Variants in WNK2 observed in about 807,000 individuals in gnomAD.
WNK2 encodes the protein serine/threonine-protein kinase WNK2.
Under a neutral mutation model 192.1 loss-of-function variants are expected in WNK2, and 67 were observed. That is an observed-to-expected ratio of 0.35 (90% CI 0.29 to 0.43). The LOEUF is 0.43. WNK2 is among the 20% of genes least tolerant of loss of function. The probability of loss-of-function intolerance (pLI) is 1.00; values close to 1 mark genes in which losing one functional copy is unlikely to be tolerated. For missense variants in WNK2, 2,698 were observed against 3,089.7 expected (o/e 0.87, Z 3.01); for synonymous variants, 1,439 against 1,393.9 (o/e 1.03, Z -0.72).
intron 7 of WNK2, among the ~76,000 whole-genome samples, chr9:93,243,053 CCT>C (rs1329738447): frequency 6.6e-6 from 1 of 152,102 alleles, no homozygotes; most frequent in Non-Finnish European, 1.5e-5. Flanking sequence ...ACATCAGAGC[CCT>C]CTCAGCACTG....
intron 2 of WNK2, among the ~76,000 whole-genome samples, chr9:93,228,366 AG>A (rs1296501732): frequency 2.0e-5 from 3 of 152,154 alleles, no homozygotes; most frequent in African/African-American, 7.2e-5. Flanking sequence ...CCTTTCCGGA[AG>A]GATCCAGGGG....
intron 2 of WNK2, among the ~76,000 whole-genome samples, chr9:93,186,807 A>G (rs1829431578): frequency 6.6e-6 from 1 of 151,888 alleles, no homozygotes; most frequent in South Asian, 2.1e-4. Flanking sequence ...CCTCTCCACC[A>G]CCCCTTGGTT....
intron 7 of WNK2, among the ~76,000 whole-genome samples, chr9:93,246,404 A>G (rs2132466699): frequency 6.6e-6 from 1 of 152,274 alleles, no homozygotes; most frequent in South Asian, 2.1e-4. Flanking sequence ...AACTCAGTTC[A>G]CAAGTACGCA....
At chr9:93,271,831 A>C (rs191627940) in intron 19 of WNK2, among the ~76,000 whole-genome samples, 21 of 152,380 alleles carry the variant, frequency 1.4e-4, no homozygotes, top group Admixed American at 7.2e-4. Context: ...AGCAGACCCC[A>C]AATAGGTTAA....
intron 2 of WNK2, among the ~76,000 whole-genome samples, chr9:93,203,189 T>TACCCTTTGCTGA (rs1427427544): frequency 6.6e-6 from 1 of 152,114 alleles, no homozygotes; most frequent in Non-Finnish European, 1.5e-5. Flanking sequence ...GAACCCCAAG[T>TACCCTTTGCTGA]ACCCTTTGCT....
chr9:93,270,722 G>T (rs776579982), intron 19 of WNK2, among the ~76,000 whole-genome samples: 2 of 152,140 alleles, frequency 1.3e-5, no homozygotes, highest in Non-Finnish European at 2.9e-5. Context: ...CCTCCCCATT[G>T]CTCACCCCCC....
intron 19 of WNK2, among the ~76,000 whole-genome samples, chr9:93,278,014 A>G (rs1385536928): frequency 6.6e-6 from 1 of 152,186 alleles, no homozygotes; most frequent in African/African-American, 2.4e-5. Flanking sequence ...TCCTTCAGAA[A>G]ACAACTTAAA....
rs1588557310 is a variant in WNK2 at position 93,300,316 on chromosome 9, A to G, written c.6214+167A>G. ...GGAACCCCATGAGCCGGTCCCCTGG[A>G]GCGGCGGCCGCCAGCGCCTACCCCC... On this transcript the variant is annotated intron_variant, in intron 26 of 29. Coordinates refer to ENST00000427277, the MANE Select transcript of WNK2 (RefSeq NM_006648.4). 1.6e-5 allele frequency: 9 copies of G among 578,622 alleles called. No homozygotes were observed. The East Asian group carries it at 2.7e-4, about 18-fold the overall frequency. 35.8% of individuals were successfully genotyped at this position (578,622 alleles called of 1,614,324 possible). A position where few individuals can be genotyped will look rare whatever the true frequency, so the allele number is the denominator to read the frequency against.
Position 93,199,145 on chromosome 9 carries a change from C to T in WNK2, c.681+13535C>T, listed in dbSNP as rs78694447. Among the ~76,000 whole-genome samples, 719 of 152,300 alleles carry T rather than the reference C, an allele frequency of 4.7e-3. 7 individuals carry two copies. Among genetic ancestry groups the T allele is most frequent in the African/African-American group, 0.016 (680 of 41,566 alleles). On this transcript the variant is annotated intron_variant, in intron 2 of 29. Coordinates refer to ENST00000427277, the MANE Select transcript of WNK2 (RefSeq NM_006648.4). ...AAGTCCCCTTGCCCTCTGTGGGGTG[C>T]GGCTTCTCAGCCTGGCTGTGCTGGG...
chr9:93,300,928 GCTC>G (rs1044714602), intron 26 of WNK2, among the ~76,000 whole-genome samples: 4 of 152,138 alleles, frequency 2.6e-5, no homozygotes, highest in South Asian at 2.1e-4. Flanking sequence ...TGCTTGGCCG[GCTC>G]CTCCTCCTCC....
Position 93,263,695 on chromosome 9 carries a change from G to A in WNK2, c.3540G>A (p.Arg1180=), listed in dbSNP as rs1844661840. The A allele has an allele frequency of 1.3e-6, 2 of 1,552,270 alleles. No individual in the cohort carries two copies. Among genetic ancestry groups the A allele is most frequent in the Non-Finnish European group, 1.7e-6 (2 of 1,155,272 alleles). ...HHRRSTRARS[R]QERASRPRLT... The stretch of plus-strand genomic sequence containing the variant: ...GCAGGTCCACGCGTGCGCGCTCCCG[G>A]CAGGAGAGGGCCAGCCGGCCCCGGC... The change falls in exon 15 of 30, where the codon CGG becomes CGA. Residue 1180 remains arginine (R), a synonymous_variant. Coordinates refer to ENST00000427277, the MANE Select transcript of WNK2 (RefSeq NM_006648.4).
At chr9:93,306,990 A>T in intron 27 of WNK2, 169 bp downstream of exon 27, 1 of 790,522 alleles carries the variant, frequency 1.3e-6, no homozygotes, top group Non-Finnish European at 2.1e-6. Context: ...GCCTGGCGGG[A>T]TCGCTGTCCT....
intron 2 of WNK2, among the ~76,000 whole-genome samples, chr9:93,224,804 C>A (rs1474347263): frequency 2.6e-5 from 4 of 152,160 alleles, no homozygotes; most frequent in African/African-American, 7.2e-5. Flanking sequence ...AGTGAGCAGC[C>A]AGGAGGCCCC....
In WNK2 at chr9:93,215,746, T is replaced by A. The variant is rs539990026; in HGVS notation, c.682-13950T>A. ...GACCATACTAATTTTACACTAATTT[T>A]AATTTCACACAAATTTTAAAGTCTG... On this transcript the variant is annotated intron_variant, in intron 2 of 29. Coordinates refer to ENST00000427277, the MANE Select transcript of WNK2 (RefSeq NM_006648.4). Among the ~76,000 whole-genome samples the A allele has an allele frequency of 1.3e-4, 20 of 152,380 alleles. 1 individual carries two copies. The highest frequency in any genetic ancestry group is 9.8e-4 in the Admixed American group (15 of 15,310).
chr9:93,206,316 G>A (rs543245548), intron 2 of WNK2, among the ~76,000 whole-genome samples: 30 of 152,282 alleles, frequency 2.0e-4, no homozygotes, highest in Admixed American at 5.9e-4. Context: ...GCCAAGGGTC[G>A]CCTGCAGTGA....
intron 2 of WNK2, among the ~76,000 whole-genome samples, chr9:93,217,693 C>T (rs895862344): frequency 5.3e-5 from 8 of 152,238 alleles, no homozygotes; most frequent in Admixed American, 5.2e-4. Flanking sequence ...GCCCCCACTC[C>T]CCTGCCAAGC....
intron 2 of WNK2, among the ~76,000 whole-genome samples, chr9:93,198,930 C>T (rs1564279176): frequency 6.6e-6 from 1 of 152,208 alleles, no homozygotes. Flanking sequence ...CTCGGGGCCT[C>T]CTCGGGTGTG....
intron 19 of WNK2, among the ~76,000 whole-genome samples, chr9:93,269,209 G>A (rs1845676645): frequency 1.7e-5 from 1 of 57,658 alleles, no homozygotes; most frequent in Non-Finnish European, 4.8e-5. Context: ...ACTGTGCATT[G>A]ATCTGCACCT....
chr9:93,296,735 T>C (rs1216073316), intron 23 of WNK2, among the ~76,000 whole-genome samples: 1 of 78,656 alleles, frequency 1.3e-5, no homozygotes, highest in African/African-American at 5.3e-5. Context: ...TCCCCTCACT[T>C]TCCTCCTCCT....
Sources: allele counts gnomAD v4.1 joint callset (sites outside exome capture counted in the v4.1 genomes callset), GRCh38; gene constraint gnomAD v4.1.1; transcripts MANE v1.5; gene names NCBI Gene and HGNC (gene_info 2026-07-23, HGNC 2026-07-21).